The following GPHN variants were observed in gnomAD, a reference collection of about 807,000 sequenced individuals.
The protein encoded by GPHN is gephyrin.
Under a neutral mutation model 95.5 loss-of-function variants are expected in GPHN, and 17 were observed. The observed-to-expected ratio is 0.18, with a 90% confidence interval of 0.12 to 0.27. GPHN has a LOEUF of 0.27. Ranked by LOEUF, GPHN falls within the 10% of genes least tolerant of loss-of-function variation. GPHN has a pLI of 1.00. For synonymous variants in GPHN, 320 were observed against 322.5 expected, an observed-to-expected ratio of 0.99 and a Z score of 0.08; for missense variants, 660 against 978.1, an observed-to-expected ratio of 0.67 and a Z score of 4.34.
intron 3 of GPHN, among the ~76,000 whole-genome samples, chr14:66,777,069 G>T (rs1237195121): frequency 1.3e-5 from 2 of 148,384 alleles, no homozygotes; most frequent in Non-Finnish European, 3.0e-5. Context: ...TTGATAGACC[G>T]CTAGCAAGAC....
At chr14:66,871,774 G>C (rs996850456) in intron 4 of GPHN, among the ~76,000 whole-genome samples, 1 of 151,976 alleles carries the variant, frequency 6.6e-6, no homozygotes, top group African/African-American at 2.4e-5. Context: ...GGGCCTGTCG[G>C]CGGGGTGAGG....
chr14:67,043,328 T>C (rs2074818340), intron 10 of GPHN, among the ~76,000 whole-genome samples: 1 of 152,166 alleles, frequency 6.6e-6, no homozygotes, highest in Non-Finnish European at 1.5e-5. Context: ...AGGGAATGCT[T>C]CCAGTTTTTG....
At chr14:67,720,763 A>C in the GPHN span, 2 of 152,154 alleles carry the variant, frequency 1.3e-5, no homozygotes, top group Non-Finnish European at 2.9e-5. Context: ...TTGGATTATA[A>C]TATTTAACAT....
chr14:66,802,918 A>T (rs2060412149), intron 3 of GPHN, among the ~76,000 whole-genome samples: 1 of 152,064 alleles, frequency 6.6e-6, no homozygotes, highest in Non-Finnish European at 1.5e-5. Flanking sequence ...TCCTGGGGTT[A>T]GGGGAGGGGT....
chr14:67,342,929 G>A, the GPHN span, among the ~76,000 whole-genome samples: 1 of 152,024 alleles, frequency 6.6e-6, no homozygotes, highest in South Asian at 2.1e-4. Context: ...TAAAAGAGAT[G>A]GAAAATAAGT....
intron 8 of GPHN, among the ~76,000 whole-genome samples, chr14:66,961,083 T>C (rs888761443): frequency 2.6e-5 from 4 of 152,056 alleles, no homozygotes; most frequent in African/African-American, 9.7e-5. Context: ...CCATAAGATA[T>C]TTCAACACAA....
intron 8 of GPHN, among the ~76,000 whole-genome samples, chr14:66,961,457 A>G (rs2068892301): frequency 6.6e-6 from 1 of 151,954 alleles, no homozygotes; most frequent in African/African-American, 2.4e-5. Context: ...AATAGACATG[A>G]TAAAGTAAGG....
the GPHN span, among the ~76,000 whole-genome samples, chr14:67,341,006 C>T: frequency 6.6e-6 from 1 of 152,182 alleles, no homozygotes; most frequent in African/African-American, 2.4e-5. Context: ...AGTGCAGTGG[C>T]GTGATCTCGG....
the GPHN span, among the ~76,000 whole-genome samples, chr14:67,280,842 TC>T: frequency 7.5e-6 from 1 of 133,620 alleles, no homozygotes; most frequent in African/African-American, 3.2e-5. Flanking sequence ...CTTCCTTCCT[TC>T]CTTCCTTCCT....
chr14:67,010,056 G>T (rs574063646), intron 9 of GPHN, among the ~76,000 whole-genome samples: 7 of 151,878 alleles, frequency 4.6e-5, no homozygotes, highest in Non-Finnish European at 1.0e-4. Context: ...ACCATGCCCA[G>T]CCGTGTTTTT....
intron 5 of GPHN, among the ~76,000 whole-genome samples, chr14:66,912,213 G>A (rs1460909209): frequency 1.3e-5 from 2 of 151,964 alleles, no homozygotes; most frequent in African/African-American, 4.8e-5. Context: ...ACACATATCA[G>A]GTTCTATTGT....
chr14:67,725,241 G>A, the GPHN span: 4 of 1,613,208 alleles, frequency 2.5e-6, no homozygotes, highest in African/African-American at 1.3e-5. Context: ...CCTTTGCTGA[G>A]GGCTTTCTGG....
intron 10 of GPHN, among the ~76,000 whole-genome samples, chr14:67,032,580 T>C (rs2074239722): frequency 2.0e-5 from 3 of 152,240 alleles, no homozygotes; most frequent in South Asian, 4.1e-4. Context: ...GATGGCTTGC[T>C]ACAGCAGCAC....
chr14:66,757,931 A>C (rs1239615004), intron 2 of GPHN, among the ~76,000 whole-genome samples: 1 of 152,178 alleles, frequency 6.6e-6, no homozygotes, highest in African/African-American at 2.4e-5. Flanking sequence ...GAAAGGAAAA[A>C]TTCTCAGCCA....
chr14:67,197,179 T>C, the GPHN span: 1 of 152,316 alleles, frequency 6.6e-6, no homozygotes, highest in Non-Finnish European at 1.5e-5. Context: ...GCGGCCCATC[T>C]TGGCCTCCCA....
chr14:67,167,654 G>C (rs1694043117), intron 20 of GPHN, among the ~76,000 whole-genome samples: 1 of 152,094 alleles, frequency 6.6e-6, no homozygotes, highest in Non-Finnish European at 1.5e-5. Flanking sequence ...GCCATGCCAA[G>C]GGAACCTAAA....
intron 5 of GPHN, among the ~76,000 whole-genome samples, chr14:66,882,304 G>A (rs186397546): frequency 4.5e-4 from 68 of 151,810 alleles, no homozygotes; most frequent in African/African-American, 1.6e-3. Context: ...GGATAAATCA[G>A]TGTTTTACCA....
chr14:66,900,090 G>A (rs750122873), intron 5 of GPHN, among the ~76,000 whole-genome samples: 7 of 151,858 alleles, frequency 4.6e-5, no homozygotes, highest in African/African-American at 7.2e-5. Context: ...CGTCTTGAGA[G>A]TCTGTATTAA....
intron 2 of GPHN, among the ~76,000 whole-genome samples, chr14:66,687,741 G>A (rs988109262): frequency 6.6e-6 from 1 of 151,880 alleles, no homozygotes; most frequent in Non-Finnish European, 1.5e-5. Flanking sequence ...CGCCCACCTC[G>A]GCCTCCCAAA....
Sources: gnomAD v4.1 joint callset for allele counts (sites outside exome capture counted in the v4.1 genomes callset) on GRCh38, gnomAD v4.1.1 for gene constraint, MANE v1.5 for transcripts, NCBI Gene and HGNC (gene_info 2026-07-23, HGNC 2026-07-21) for gene names.